KIAA1671: variants seen among roughly 807,000 people sequenced by gnomAD.
KIAA1671 encodes KIAA1671, also known as uncharacterized protein KIAA1671.
In KIAA1671, 52 loss-of-function variants were observed where a neutral mutation model predicts 131.2. The observed-to-expected ratio is 0.40, with a 90% CI of 0.32 to 0.50. The LOEUF (loss-of-function observed/expected upper bound fraction) is 0.50, where lower values mean the gene tolerates loss of function less well. Ranked by LOEUF, KIAA1671 falls within the 20% of genes least tolerant of loss-of-function variation. The pLI, the probability that KIAA1671 is intolerant of heterozygous loss-of-function variation, is 0.73. For synonymous variants in KIAA1671, 1,003 were observed against 961.6 expected (o/e 1.04, Z -0.80); for missense variants, 2,360 against 2,364.2 (o/e 1.00, Z 0.04).
chr22:25,077,377 G>GGGCATTTAATATGGAGATGGTGTTTGTT (rs1929168963), intron 6 of KIAA1671, among the ~76,000 whole-genome samples: 1 of 152,208 alleles, frequency 6.6e-6, no homozygotes, highest in Non-Finnish European at 1.5e-5. Context: ...GACTTAGAGT[G>GGGCATTTAATATGGAGATGGTGTTTGTT]GGCATTTAAT....
intron 10 of KIAA1671, among the ~76,000 whole-genome samples, chr22:25,184,032 C>G (rs1237931226): frequency 6.6e-6 from 1 of 152,210 alleles, no homozygotes. Flanking sequence ...AGCTCCAGTC[C>G]ACTGTGCTCT....
intron 1 of KIAA1671, among the ~76,000 whole-genome samples, chr22:24,989,761 C>T (rs574336370): frequency 6.6e-6 from 1 of 152,206 alleles, no homozygotes; most frequent in African/African-American, 2.4e-5. Flanking sequence ...CAAGAAAACA[C>T]GCACTATTGT....
intron 1 of KIAA1671, among the ~76,000 whole-genome samples, chr22:24,986,556 A>G (rs1923545905): frequency 6.6e-6 from 1 of 151,974 alleles, no homozygotes; most frequent in African/African-American, 2.4e-5. Context: ...ATTTTCAATC[A>G]GTGATTAATT....
At chr22:25,190,241 C>T (rs1350637081) in intron 11 of KIAA1671, among the ~76,000 whole-genome samples, 3 of 152,104 alleles carry the variant, frequency 2.0e-5, no homozygotes, top group Non-Finnish European at 4.4e-5. Flanking sequence ...GCATTAGATT[C>T]TCATGAGAAG....
chr22:24,970,749 AAACTC>A (rs1922569731), intron 1 of KIAA1671, among the ~76,000 whole-genome samples: 1 of 151,584 alleles, frequency 6.6e-6, no homozygotes, highest in Non-Finnish European at 1.5e-5. Flanking sequence ...AAACAAAACA[AAACTC>A]ATAACATTTT....
rs370694714 is a variant in KIAA1671, at chr22:25,094,445, G to A, written c.4530+45081G>A. 7.9e-5 allele frequency among the ~76,000 whole-genome samples: 12 copies of A among 152,094 alleles called. 1 individual carries two copies. Among genetic ancestry groups the A allele is most frequent in the Admixed American group, 3.9e-4 (6 of 15,272 alleles). Reference sequence around the variant, plus strand: ...GGACACAGGCCCAGGTCTGTCCAAGGCCCCTCAGCAGGTGGGAGGCAAGCA... The same window carrying A: ...GGACACAGGCCCAGGTCTGTCCAAGACCCCTCAGCAGGTGGGAGGCAAGCA... On this transcript the variant is annotated intron_variant, in intron 6 of 12. Transcript: ENST00000358431.
intron 6 of KIAA1671, 117 bp from the exon 7 acceptor site, chr22:25,170,703 C>T (rs1052994199): frequency 4.3e-6 from 4 of 933,776 alleles, no homozygotes; most frequent in South Asian, 1.5e-5. Context: ...AGGAAGGCAG[C>T]GGGTTGCTGG....
intron 6 of KIAA1671, among the ~76,000 whole-genome samples, chr22:25,084,423 A>C (rs1028625377): frequency 7.0e-5 from 10 of 143,730 alleles, no homozygotes; most frequent in Non-Finnish European, 1.5e-4. Context: ...GCGCCAAAGC[A>C]CTCCAGCCTC....
At chr22:24,976,807 G>T (rs1336449814) in intron 1 of KIAA1671, among the ~76,000 whole-genome samples, 1 of 150,330 alleles carries the variant, frequency 6.7e-6, no homozygotes. Flanking sequence ...GGGTGCTTGG[G>T]CTGGGAAATG....
At chr22:25,171,731 AT>A (rs1933856818) in intron 7 of KIAA1671, among the ~76,000 whole-genome samples, 3 of 150,918 alleles carry the variant, frequency 2.0e-5, no homozygotes, top group African/African-American at 4.9e-5. Context: ...AAAAAAAATA[AT>A]AATAATAATA....
intron 6 of KIAA1671, among the ~76,000 whole-genome samples, chr22:25,107,469 C>CTTTTTTTTTTTTTTTT (rs765558092): frequency 1.5e-5 from 1 of 68,512 alleles, no homozygotes; most frequent in African/African-American, 6.1e-5. Context: ...ATCCATGGCA[C>CTTTTTTTTTTTTTTTT]TTTTTTTTTT....
In KIAA1671 at chr22:25,049,380, T is replaced by C; in HGVS notation, c.4530+16T>C. On this transcript the variant is annotated intron_variant, in intron 6 of 12. Coordinates refer to ENST00000358431, the MANE Select transcript of KIAA1671 (RefSeq NM_001145206.2). ...GCCCTTTGTGGTGAGTGATGCAACATGGCTGGAGAGGATTGCACAGGGGTG... is the reference window on the plus strand; with the variant it reads ...GCCCTTTGTGGTGAGTGATGCAACACGGCTGGAGAGGATTGCACAGGGGTG... 6.5e-7 allele frequency: 1 copy of C among 1,545,814 alleles called. No individual in the cohort carries two copies. The highest frequency in any genetic ancestry group is 1.2e-5 in the South Asian group (1 of 83,924).
In KIAA1671 at chr22:25,131,447, A is replaced by C. The variant is rs575104111; in HGVS notation, c.4531-39373A>C. Among the ~76,000 whole-genome samples the C allele has an allele frequency of 3.8e-4, 58 of 152,310 alleles. 1 individual carries two copies. The South Asian group carries it at 6.2e-3, about 16-fold the overall frequency. Reference sequence around the variant, plus strand: ...CTAAGGGGACTAGGGTCTTTGGCTCAGGTTTTCTCCCTCTGGGGCCTGGCA... The same window carrying C: ...CTAAGGGGACTAGGGTCTTTGGCTCCGGTTTTCTCCCTCTGGGGCCTGGCA... On this transcript the variant is annotated intron_variant, in intron 6 of 12. Transcript: ENST00000358431.
At chr22:24,956,428 G>A (rs372521501) in intron 1 of KIAA1671, among the ~76,000 whole-genome samples, 1 of 152,220 alleles carries the variant, frequency 6.6e-6, no homozygotes, top group East Asian at 1.9e-4. Flanking sequence ...TGGCAAAGCA[G>A]GAATTTGAAC....
chr22:25,163,331 A>ATTTTTT (rs132895), intron 6 of KIAA1671, among the ~76,000 whole-genome samples: 97 of 55,550 alleles, frequency 1.7e-3, no homozygotes, highest in Non-Finnish European at 2.1e-3. Flanking sequence ...ATTGCCTCAA[A>ATTTTTT]TTTTTTTTTT....
intron 6 of KIAA1671, among the ~76,000 whole-genome samples, chr22:25,144,266 C>G (rs1932845687): frequency 6.6e-6 from 1 of 152,204 alleles, no homozygotes. Flanking sequence ...GGCACTGCCT[C>G]TATCTTCTGA....
intron 6 of KIAA1671, among the ~76,000 whole-genome samples, chr22:25,155,960 ATG>A (rs1555883689): frequency 7.5e-6 from 1 of 133,058 alleles, no homozygotes; most frequent in Non-Finnish European, 1.6e-5. Flanking sequence ...ACACATATAT[ATG>A]TATGTGTGTA....
intron 1 of KIAA1671, among the ~76,000 whole-genome samples, chr22:24,974,983 C>G (rs1922841992): frequency 6.6e-6 from 1 of 151,868 alleles, no homozygotes. Context: ...CGTGAGCCAC[C>G]ACATCCAGCC....
At chr22:25,052,751 C>G (rs754284631) in intron 6 of KIAA1671, 8 of 152,122 alleles carry the variant, frequency 5.3e-5, no homozygotes, top group Non-Finnish European at 5.9e-5. Flanking sequence ...GAGTCTCACT[C>G]TGCCGCCCAG....
Sources: allele counts gnomAD v4.1 joint callset (sites outside exome capture counted in the v4.1 genomes callset), GRCh38; gene constraint gnomAD v4.1.1; transcripts MANE v1.5; gene names NCBI Gene and HGNC (gene_info 2026-07-23, HGNC 2026-07-21).